The following NFX1 variants were observed in gnomAD, a reference collection of about 807,000 sequenced individuals.
The protein encoded by NFX1 is nuclear transcription factor, X-box binding 1, also known as transcriptional repressor NF-X1.
A neutral mutation model predicts 137.2 loss-of-function variants in NFX1; 69 were observed. That is an observed-to-expected ratio of 0.50 (90% CI 0.41 to 0.61). The LOEUF (loss-of-function observed/expected upper bound fraction) is 0.61. Among genes scored for constraint, NFX1 ranks in the 20% least tolerant of loss-of-function variants. The probability of loss-of-function intolerance (pLI) is 0.00; values close to 1 mark genes in which losing one functional copy is unlikely to be tolerated. For missense variants in NFX1, 1,167 were observed against 1,391.0 expected (o/e 0.84, Z 2.56); for synonymous variants, 495 against 474.1 (o/e 1.04, Z -0.57).
chr9:33,318,999 G>C lies in NFX1; in HGVS notation c.1778G>C (p.Cys593Ser), dbSNP rs761645639. Residue 593 changes from cysteine (C) to serine (S), a missense_variant, in exon 9 of 24, where the codon TGT becomes TCT. By Grantham distance (112) the Cys-to-Ser change is moderately radical (BLOSUM62 -1). Coordinates refer to ENST00000379540, the MANE Select transcript of NFX1 (RefSeq NM_002504.6). ...QCPRLPQLVRCCPCGQTPLSQ... is the reference protein window; with the variant it reads ...QCPRLPQLVRSCPCGQTPLSQ... ...CCACGGCTCCCCCAGCTGGTGCGCT[G>C]TTGCCCCTGTGGCCAAACTCCTCTC... is the stretch of plus-strand genomic sequence containing the variant. 6.2e-7 allele frequency: 1 copy of C among 1,614,226 alleles called. No individual in the cohort carries two copies. Among genetic ancestry groups the C allele is most frequent in the Non-Finnish European group, 8.5e-7 (1 of 1,180,044 alleles).
At chr9:33,333,708 T>G (rs552948206) in intron 11 of NFX1, among the ~76,000 whole-genome samples, 1 of 152,196 alleles carries the variant, frequency 6.6e-6, no homozygotes, top group Non-Finnish European at 1.5e-5. Flanking sequence ...GCTCCCAGTT[T>G]CTGAACAAAA....
At chr9:33,331,039 G>C (rs766181742) in intron 10 of NFX1, among the ~76,000 whole-genome samples, 1 of 152,014 alleles carries the variant, frequency 6.6e-6, no homozygotes, top group East Asian at 1.9e-4. Context: ...GGTGGTGGGC[G>C]CCTGTAGTCC....
At chr9:33,322,961 A>G (rs1231413022) in intron 9 of NFX1, among the ~76,000 whole-genome samples, 1 of 152,214 alleles carries the variant, frequency 6.6e-6, no homozygotes, top group Non-Finnish European at 1.5e-5. Flanking sequence ...TACAGCAAAG[A>G]CTATTCCTTC....
In NFX1 at chr9:33,358,442, AATT is replaced by A. The variant is rs377306755; in HGVS notation, c.2873+3563_2873+3565del. On this transcript the variant is annotated intron_variant, in intron 19 of 23. Transcript: ENST00000379540. The stretch of plus-strand genomic sequence containing the variant: ...CCTGGCCAACTTTTAATTTTTTTTA[AATT>A]ATTATTATTATTTAATGTGACAAGT... Among the ~76,000 whole-genome samples, 110 of 151,664 alleles carry A rather than the reference AATT, an allele frequency of 7.3e-4. 1 individual carries two copies. In the South Asian group the frequency reaches 0.022, roughly 31 times the overall value.
chr9:33,360,892 G>A (rs1424807676), intron 19 of NFX1, among the ~76,000 whole-genome samples: 4 of 152,134 alleles, frequency 2.6e-5, no homozygotes, highest in Non-Finnish European at 5.9e-5. Context: ...AGTGACTCTT[G>A]GTGCAGTGTA....
intron 22 of NFX1, 132 bp downstream of exon 22, chr9:33,366,906 TCTGGC>T: frequency 8.5e-7 from 1 of 1,180,042 alleles, no homozygotes; most frequent in Non-Finnish European, 1.2e-6. Context: ...AATCTGCTTC[TCTGGC>T]ACTTCCCAGA....
Position 33,347,098 on chromosome 9 carries a change from G to T in NFX1, c.2405G>T (p.Trp802Leu). The T allele has an allele frequency of 6.2e-7, 1 of 1,613,012 alleles. No individual in the cohort carries two copies. The highest frequency in any genetic ancestry group is 8.5e-7 in the Non-Finnish European group (1 of 1,179,112). Residue 802 changes from tryptophan to leucine, a missense_variant, in exon 15 of 24, where the codon TGG (tryptophan) becomes TTG (leucine). Around this residue, in one of 3 missense-constraint regions of NFX1, gnomAD observed 488 missense variants for 691.5 expected, o/e 0.71. Coordinates refer to ENST00000379540, the MANE Select transcript of NFX1 (RefSeq NM_002504.6). The part of the protein sequence containing the change: ...CPPCTFLTQK[W>L]CMGKHEFRSN... Reference sequence around the variant, plus strand: ...CCTTGCACTTTCCTAACTCAGAAGTGGTGCATGGGCAAGCATGAGGTAAGT... The same window carrying T: ...CCTTGCACTTTCCTAACTCAGAAGTTGTGCATGGGCAAGCATGAGGTAAGT...
At position 33,360,080 on chromosome 9, in the gene NFX1, G is replaced by C. The variant is rs373861419; in HGVS notation, c.2874-3930G>C. The stretch of plus-strand genomic sequence containing the variant: ...TCAAAACCCTTGCCCTTTAGGAACC[G>C]TCAGTCAGTGTTCTCAGCTGCAGAA... On this transcript the variant is annotated intron_variant, in intron 19 of 23. Transcript: ENST00000379540. Among the ~76,000 whole-genome samples, 16 of 152,276 alleles carry C rather than the reference G, an allele frequency of 1.1e-4. No individual in the cohort carries two copies. The East Asian group carries it at 1.7e-3, about 17-fold the overall frequency.
At chr9:33,342,423 C>T (rs1002305264) in intron 12 of NFX1, among the ~76,000 whole-genome samples, 2 of 152,206 alleles carry the variant, frequency 1.3e-5, no homozygotes, top group South Asian at 4.1e-4. Context: ...GATTGCTCCA[C>T]TGCACTCCAG....
chr9:33,347,741 C>T, intron 15 of NFX1: 2 of 378,810 alleles, frequency 5.3e-6, no homozygotes, highest in South Asian at 2.0e-5. Context: ...ATGTTTATAG[C>T]AGCACAATTC....
chr9:33,296,229 A>G (rs983176411), intron 2 of NFX1, among the ~76,000 whole-genome samples: 1 of 152,166 alleles, frequency 6.6e-6, no homozygotes. Flanking sequence ...TGCCTAAAAC[A>G]CACATTAAAC....
chr9:33,293,650 T>C (rs2118151802), intron 1 of NFX1, among the ~76,000 whole-genome samples: 1 of 152,346 alleles, frequency 6.6e-6, no homozygotes, highest in Middle Eastern at 3.4e-3. Context: ...TTTATGTCCT[T>C]AGGCAAACCA....
At position 33,370,586 on chromosome 9, in the gene NFX1, A is replaced by C. The variant is rs1416581713; in HGVS notation, c.*608A>C. 1 of 152,490 alleles carries C rather than the reference A, an allele frequency of 6.6e-6. No individual in the cohort carries two copies. Among genetic ancestry groups the C allele is most frequent in the African/African-American group, 2.4e-5 (1 of 41,458 alleles). 9.4% of individuals were successfully genotyped at this position (152,490 alleles called of 1,614,324 possible). ...AACTTATTTTGGCATTTTCAATGTG[A>C]TCAGTTCTAGACCTAGAAGGGGGTC... On this transcript the variant is annotated 3_prime_UTR_variant, in exon 24 of 24. Coordinates refer to ENST00000379540, the MANE Select transcript of NFX1 (RefSeq NM_002504.6).
In NFX1 at chr9:33,329,975, G is replaced by A. The variant is rs144876675; in HGVS notation, c.2004+1297G>A. ...CTCCTGGCTAATTTTTGTATTTTTA[G>A]TAGAGGTGGGGTTTCACCATGTTGG... On this transcript the variant is annotated intron_variant, in intron 10 of 23. Transcript: ENST00000379540. 1.6e-4 allele frequency among the ~76,000 whole-genome samples: 25 copies of A among 152,132 alleles called. No homozygotes were observed. The East Asian group carries it at 4.8e-3, about 29-fold the overall frequency.
At chr9:33,296,843 A>G (rs75935212) in intron 2 of NFX1, among the ~76,000 whole-genome samples, 19 of 152,322 alleles carry the variant, frequency 1.2e-4, no homozygotes, top group South Asian at 1.0e-3. Context: ...GCATGCTTCT[A>G]TTACAGAACT....
chr9:33,329,097 T>C (rs1281435872), intron 10 of NFX1, among the ~76,000 whole-genome samples: 1 of 152,198 alleles, frequency 6.6e-6, no homozygotes. Flanking sequence ...TACAGTTTTA[T>C]TACAAGGAAA....
At chr9:33,358,986 A>G (rs1247516963) in intron 19 of NFX1, among the ~76,000 whole-genome samples, 1 of 151,632 alleles carries the variant, frequency 6.6e-6, no homozygotes, top group Non-Finnish European at 1.5e-5. Flanking sequence ...GGCGTGAGCC[A>G]CCACACCCGG....
At chr9:33,347,742 A>G (rs1823480813) in intron 15 of NFX1, 2 of 378,594 alleles carry the variant, frequency 5.3e-6, no homozygotes, top group African/African-American at 2.1e-5. Context: ...TGTTTATAGC[A>G]GCACAATTCA....
intron 15 of NFX1, among the ~76,000 whole-genome samples, chr9:33,349,644 TGAG>T (rs1442581941): frequency 6.6e-6 from 1 of 150,890 alleles, no homozygotes; most frequent in Non-Finnish European, 1.5e-5. Context: ...TTTCCTATGG[TGAG>T]GAAGCGTGGA....
Sources: gnomAD v4.1 joint callset for allele counts (sites outside exome capture counted in the v4.1 genomes callset) on GRCh38, gnomAD v4.1.1 for gene constraint, gnomAD v4.1.1 regional missense constraint, MANE v1.5 for transcripts, NCBI Gene and HGNC (gene_info 2026-07-23, HGNC 2026-07-21) for gene names.